Variants in MTA3 observed in about 807,000 individuals in gnomAD.
The protein encoded by MTA3 is metastasis-associated protein MTA3.
MTA3 carries 34 observed loss-of-function variants against 83.5 expected under a neutral mutation model. The observed-to-expected ratio is 0.41, with a 90% confidence interval of 0.31 to 0.54. The LOEUF is 0.54. MTA3 is among the 20% of genes least tolerant of loss of function. The pLI is 0.33. For missense variants in MTA3, 761 were observed against 726.4 expected (o/e 1.05, Z -0.55); for synonymous variants, 303 against 252.7 (o/e 1.20, Z -1.89).
chr2:42,514,547 C>G (rs900468187), intron 2 of MTA3, among the ~76,000 whole-genome samples: 2 of 151,714 alleles, frequency 1.3e-5, no homozygotes, highest in Non-Finnish European at 2.9e-5. Context: ...CCACATCCAG[C>G]TAATTTTTGT....
At chr2:42,595,807 T>G (rs1012343261) in intron 3 of MTA3, among the ~76,000 whole-genome samples, 9 of 152,180 alleles carry the variant, frequency 5.9e-5, no homozygotes, top group African/African-American at 1.9e-4. Context: ...TAAGTTACAA[T>G]AATGATTTAA....
intron 7 of MTA3, among the ~76,000 whole-genome samples, chr2:42,657,994 C>G (rs116229367): frequency 3.0e-5 from 4 of 134,804 alleles, no homozygotes; most frequent in Admixed American, 8.7e-5. Flanking sequence ...ATTGCTTGAA[C>G]TTGCGAGACG....
At chr2:42,554,097 T>C (rs1572973425) in intron 2 of MTA3, among the ~76,000 whole-genome samples, 1 of 150,956 alleles carries the variant, frequency 6.6e-6, no homozygotes, top group South Asian at 2.1e-4. Flanking sequence ...AGCCAGATGC[T>C]GTGGTGCATG....
chr2:42,636,583 AG>A (rs1687216213), intron 4 of MTA3, among the ~76,000 whole-genome samples: 1 of 151,224 alleles, frequency 6.6e-6, no homozygotes, highest in Non-Finnish European at 1.5e-5. Context: ...GTCTACAGGC[AG>A]GGGGTAAATG....
intron 3 of MTA3, among the ~76,000 whole-genome samples, chr2:42,584,249 A>G (rs1349340581): frequency 6.6e-6 from 1 of 151,982 alleles, no homozygotes; most frequent in East Asian, 1.9e-4. Flanking sequence ...TATTAACAGT[A>G]ATCTACACAT....
intron 4 of MTA3, among the ~76,000 whole-genome samples, 158 bp from the exon 5 acceptor site, chr2:42,640,015 A>G (rs541396452): frequency 2.2e-4 from 33 of 152,336 alleles, no homozygotes; most frequent in Middle Eastern, 3.4e-3. Flanking sequence ...ACCTGACATT[A>G]GGATTGTAAA....
intron 16 of MTA3, among the ~76,000 whole-genome samples, chr2:42,727,960 G>A (rs939292764): frequency 6.6e-6 from 1 of 152,040 alleles, no homozygotes; most frequent in African/African-American, 2.4e-5. Flanking sequence ...CACAGACAGT[G>A]CAATTTTACT....
At chr2:42,537,209 G>A (rs949523362) in intron 2 of MTA3, among the ~76,000 whole-genome samples, 1 of 152,046 alleles carries the variant, frequency 6.6e-6, no homozygotes, top group African/African-American at 2.4e-5. Context: ...CCTGAATGTG[G>A]TCACTAAAAA....
At chr2:42,570,137 G>A (rs996537890) in intron 1 of MTA3, among the ~76,000 whole-genome samples, 9 of 152,090 alleles carry the variant, frequency 5.9e-5, no homozygotes, top group Non-Finnish European at 1.3e-4. Context: ...AGCGTGCCCT[G>A]ACTACACAGT....
intron 16 of MTA3, among the ~76,000 whole-genome samples, chr2:42,730,723 G>T (rs1668177763): frequency 6.6e-6 from 1 of 152,190 alleles, no homozygotes; most frequent in East Asian, 1.9e-4. Context: ...CTTGCAGAAT[G>T]AATTTGGAAA....
At chr2:42,648,669 G>A (rs1299263799) in intron 6 of MTA3, among the ~76,000 whole-genome samples, 1 of 152,102 alleles carries the variant, frequency 6.6e-6, no homozygotes, top group Non-Finnish European at 1.5e-5. Context: ...GAAAGTAAAG[G>A]CGTCTTTTAG....
chr2:42,525,522 C>A (rs947218396), intron 2 of MTA3, among the ~76,000 whole-genome samples: 1 of 145,572 alleles, frequency 6.9e-6, no homozygotes, highest in African/African-American at 2.6e-5. Flanking sequence ...CCTTTCTTCC[C>A]TTCCTTCCTT....
chr2:42,650,423 T>G (rs745565715), intron 6 of MTA3, among the ~76,000 whole-genome samples: 8 of 152,066 alleles, frequency 5.3e-5, no homozygotes, highest in Non-Finnish European at 2.9e-5. Flanking sequence ...TTGATTGTGT[T>G]TGTTTGGGGT....
chr2:42,619,749 A>G (rs142244481), intron 4 of MTA3, among the ~76,000 whole-genome samples: 515 of 152,304 alleles, frequency 3.4e-3, no homozygotes, highest in African/African-American at 0.012. Flanking sequence ...GTCCCCCAAG[A>G]CTTTTTCCGA....
At chr2:42,734,442 G>T (rs1267317825) in intron 16 of MTA3, among the ~76,000 whole-genome samples, 1 of 88,822 alleles carries the variant, frequency 1.1e-5, no homozygotes, top group African/African-American at 4.0e-5. Flanking sequence ...GGTAAAGCGT[G>T]TTTCTTGTAG....
chr2:42,667,741 C>G (rs1690415470), intron 8 of MTA3, among the ~76,000 whole-genome samples: 1 of 151,850 alleles, frequency 6.6e-6, no homozygotes, highest in East Asian at 1.9e-4. Flanking sequence ...CTCAAGTGAT[C>G]CTCCTACTTG....
At chr2:42,661,874 A>G (rs1056273011) in intron 8 of MTA3, among the ~76,000 whole-genome samples, 36 of 152,288 alleles carry the variant, frequency 2.4e-4, no homozygotes, top group African/African-American at 8.2e-4. Flanking sequence ...TTCAACCATT[A>G]TAGTTAATGT....
chr2:42,716,501 G>A (rs892343013), intron 14 of MTA3, among the ~76,000 whole-genome samples: 2 of 151,872 alleles, frequency 1.3e-5, no homozygotes, highest in African/African-American at 2.4e-5. Flanking sequence ...CCTCCAATAG[G>A]CCCCAGTGTC....
In MTA3 at chr2:42,707,989, T is replaced by C; in HGVS notation, c.1237T>C (p.Tyr413His). ...AATTTGTTGGCTTTATTGGAAAAAA[T>C]ATGGAGGCTTGAAAATGCCCACCCA... is the stretch of plus-strand genomic sequence containing the variant. ...CAICWLYWKK[Y>H]GGLKMPTQSE... The change falls in exon 13 of 17, where the codon TAT becomes CAT. Residue 413 changes from tyrosine to histidine, a missense_variant. Transcript: ENST00000405094. 6.2e-7 allele frequency: 1 copy of C among 1,613,704 alleles called. No individual in the cohort carries two copies. The highest frequency in any genetic ancestry group is 8.5e-7 in the Non-Finnish European group (1 of 1,179,814).
Sources: gnomAD v4.1 joint callset for allele counts (sites outside exome capture counted in the v4.1 genomes callset) on GRCh38, gnomAD v4.1.1 for gene constraint, MANE v1.5 for transcripts, NCBI Gene and HGNC (gene_info 2026-07-23, HGNC 2026-07-21) for gene names.